PHF14: variants seen among roughly 807,000 people sequenced by gnomAD.
PHF14 encodes PHD finger protein 14.
In PHF14, 55 loss-of-function variants were observed where a neutral mutation model predicts 117.9. The observed-to-expected ratio is 0.47, with a 90% CI of 0.38 to 0.58. The LOEUF (loss-of-function observed/expected upper bound fraction) is 0.58. Ranked by LOEUF, PHF14 falls within the 20% of genes least tolerant of loss-of-function variation. The pLI is 0.00. For missense variants in PHF14, 978 were observed against 1,122.2 expected (o/e 0.87, Z 1.84); for synonymous variants, 409 against 368.6 (o/e 1.11, Z -1.26).
Position 11,127,243 on chromosome 7 carries a change from C to CTT in PHF14, c.2772+15776_2772+15777insTT, listed in dbSNP as rs1562478540. On this transcript the variant is annotated intron_variant, in intron 17 of 17. Coordinates refer to ENST00000634607, the MANE Select transcript of PHF14 (RefSeq NM_001007157.2). Reference sequence around the variant, plus strand: ...ATTCTAGATTTTGATTCTTGCCCCTCCTTTTTTTTTTTTGACTCATTGCTA... The same window carrying CTT: ...ATTCTAGATTTTGATTCTTGCCCCTCTTCTTTTTTTTTTTTGACTCATTGCTA... Among the ~76,000 whole-genome samples the CTT allele has an allele frequency of 2.8e-5, 3 of 107,742 alleles. No homozygotes were observed. The East Asian group carries it at 2.1e-3, about 75-fold the overall frequency. The allele number at this position is 107,742 out of a possible 152,430, so 70.7% of individuals were successfully genotyped here.
Position 11,058,853 on chromosome 7 carries a change from AC to A in PHF14, c.2482-2936del, listed in dbSNP as rs1785107643. Among the ~76,000 whole-genome samples the A allele has an allele frequency of 2.6e-5, 4 of 152,344 alleles. No individual in the cohort carries two copies. The South Asian group carries it at 8.3e-4, about 32-fold the overall frequency. On this transcript the variant is annotated intron_variant, in intron 14 of 17. Coordinates refer to ENST00000634607, the MANE Select transcript of PHF14 (RefSeq NM_001007157.2). ...AGTTTCAGGTTTACCTCAGAAACTT[AC>A]CAGCTGTGTGACATCAGCAAGTCAT...
chr7:11,030,489 C>T (rs1313438346), intron 7 of PHF14, among the ~76,000 whole-genome samples: 1 of 152,024 alleles, frequency 6.6e-6, no homozygotes, highest in Non-Finnish European at 1.5e-5. Context: ...TGTGAAGCAG[C>T]CATGTTTGGG....
At chr7:11,080,715 C>T (rs1283468902) in intron 16 of PHF14, among the ~76,000 whole-genome samples, 2 of 152,076 alleles carry the variant, frequency 1.3e-5, no homozygotes, top group South Asian at 2.1e-4. Flanking sequence ...TTCTGCAGTG[C>T]GGATATATAT....
chr7:11,040,626 A>G (rs780891104), intron 11 of PHF14, 46 bp from the exon 12 acceptor site: 1 of 1,039,392 alleles, frequency 9.6e-7, no homozygotes, highest in Non-Finnish European at 1.4e-6. Flanking sequence ...TGTTGCTTTT[A>G]TTTCTTTCTT....
chr7:11,074,368 G>A (rs1262771751), intron 16 of PHF14, among the ~76,000 whole-genome samples: 3 of 151,510 alleles, frequency 2.0e-5, no homozygotes, highest in Non-Finnish European at 4.4e-5. Context: ...CTGCCACCAC[G>A]CCCAGCTAAT....
rs79170164 is a variant in PHF14 at position 11,118,154 on chromosome 7, T to C, written c.2772+6687T>C. ...AAGTCTGGAAAAAAAGTTGTTTCTA[T>C]TGTGTCCTATATTAGAATTAAATAG... is the stretch of plus-strand genomic sequence containing the variant. On this transcript the variant is annotated intron_variant, in intron 17 of 17. Coordinates refer to ENST00000634607, the MANE Select transcript of PHF14 (RefSeq NM_001007157.2). Among the ~76,000 whole-genome samples, 824 of 152,052 alleles carry C rather than the reference T, an allele frequency of 5.4e-3. 5 individuals carry two copies. The highest frequency in any genetic ancestry group is 0.019 in the African/African-American group (785 of 41,550).
At chr7:11,073,070 A>C (rs961685043) in intron 16 of PHF14, among the ~76,000 whole-genome samples, 1 of 152,128 alleles carries the variant, frequency 6.6e-6, no homozygotes, top group African/African-American at 2.4e-5. Flanking sequence ...AAACATCCAA[A>C]CTATATACTT....
intron 2 of PHF14, among the ~76,000 whole-genome samples, chr7:10,981,242 C>G (rs944550534): frequency 1.3e-5 from 2 of 151,970 alleles, no homozygotes; most frequent in African/African-American, 4.8e-5. Context: ...CTTTTTCCAC[C>G]ATTTTATCAT....
At chr7:11,065,630 G>C (rs1785397878) in intron 16 of PHF14, among the ~76,000 whole-genome samples, 1 of 152,114 alleles carries the variant, frequency 6.6e-6, no homozygotes, top group Admixed American at 6.5e-5. Flanking sequence ...TGTATTTTAA[G>C]TAAGGAAATA....
chr7:10,979,403 C>A (rs1283421819), intron 2 of PHF14, among the ~76,000 whole-genome samples: 1 of 151,686 alleles, frequency 6.6e-6, no homozygotes, highest in Non-Finnish European at 1.5e-5. Flanking sequence ...GAAAGGTTAT[C>A]TTTTATTTAA....
chr7:11,138,010 A>C (rs1165271605), intron 17 of PHF14, among the ~76,000 whole-genome samples: 3 of 151,912 alleles, frequency 2.0e-5, no homozygotes, highest in Admixed American at 1.3e-4. Flanking sequence ...TGTGGCATTA[A>C]AATTTCATGA....
At chr7:11,157,925 A>C (rs570093005) in intron 17 of PHF14, among the ~76,000 whole-genome samples, 1 of 152,266 alleles carries the variant, frequency 6.6e-6, no homozygotes, top group African/African-American at 2.4e-5. Flanking sequence ...TCATCTAACA[A>C]AAATTAGATG....
chr7:11,102,182 C>T (rs1196581223), intron 16 of PHF14, among the ~76,000 whole-genome samples: 1 of 151,676 alleles, frequency 6.6e-6, no homozygotes, highest in Non-Finnish European at 1.5e-5. Flanking sequence ...AATACAAGCC[C>T]TTCATCATTT....
rs1382489531 is a variant in PHF14, at chr7:10,990,831, C to G, written c.1029C>G (p.Gly343=). ...AAATAATTCAGTGTGACAATTGTGG[C>G]ATTACAGTCCATGAAGGTAATGTTG... The part of the protein sequence containing the change: ...ADEIIQCDNC[G]ITVHEGCYGV... The change falls in exon 4 of 18, where the codon GGC becomes GGG. Residue 343 remains glycine (G), a synonymous_variant. Transcript: ENST00000634607. The G allele has an allele frequency of 1.3e-6, 2 of 1,586,236 alleles. No homozygotes were observed. The highest frequency in any genetic ancestry group is 1.7e-6 in the Non-Finnish European group (2 of 1,164,644).
At chr7:11,065,941 G>A (rs1439339629) in intron 16 of PHF14, among the ~76,000 whole-genome samples, 1 of 152,046 alleles carries the variant, frequency 6.6e-6, no homozygotes, top group Non-Finnish European at 1.5e-5. Context: ...CCATTTTTCA[G>A]AAGCATTGAG....
chr7:11,043,934 T>G (rs958297183), intron 13 of PHF14, among the ~76,000 whole-genome samples: 13 of 152,036 alleles, frequency 8.6e-5, no homozygotes, highest in Non-Finnish European at 1.9e-4. Flanking sequence ...TGGACCCTCC[T>G]GATACTGCTC....
chr7:11,143,481 A>G (rs1788456778), intron 17 of PHF14, among the ~76,000 whole-genome samples: 1 of 152,088 alleles, frequency 6.6e-6, no homozygotes, highest in African/African-American at 2.4e-5. Context: ...GTGACAGATC[A>G]CTTCAAGAAA....
chr7:11,163,484 T>C (rs1489324647), intron 17 of PHF14, among the ~76,000 whole-genome samples: 2 of 152,162 alleles, frequency 1.3e-5, no homozygotes, highest in Admixed American at 6.5e-5. Context: ...ATTCAATGCA[T>C]TGGAAAACTG....
chr7:11,102,880 A>G, intron 16 of PHF14: 1 of 1,135,322 alleles, frequency 8.8e-7, no homozygotes, highest in Non-Finnish European at 1.1e-6. Context: ...CTTCTTTGGC[A>G]AATGTTGATA....
Sources: allele counts gnomAD v4.1 joint callset (sites outside exome capture counted in the v4.1 genomes callset), GRCh38; gene constraint gnomAD v4.1.1; transcripts MANE v1.5; gene names NCBI Gene and HGNC (gene_info 2026-07-23, HGNC 2026-07-21).